Variants in ZFAND1 observed in about 807,000 individuals in gnomAD.
ZFAND1 encodes the protein AN1-type zinc finger protein 1.
ZFAND1 carries 40 observed loss-of-function variants against 38.5 expected under a neutral mutation model. The observed-to-expected ratio is 1.04, with a 90% CI of 0.81 to 1.35. ZFAND1 has a LOEUF of 1.35. Among genes scored for constraint, ZFAND1 ranks in the 40% most tolerant of loss-of-function variants. The pLI is 0.00. For missense variants in ZFAND1, 346 were observed against 316.3 expected (o/e 1.09, Z -0.71); for synonymous variants, 117 against 103.6 (o/e 1.13, Z -0.78).
Position 81,714,002 on chromosome 8 carries a change from T to G in ZFAND1, c.396A>C (p.Lys132Asn). Reference sequence around the variant, plus strand: ...CAGCTGTTTCACTATTTTTGGCACCTTTCCATCGTTTACTTGCTGTTTCTC... The same window carrying G: ...CAGCTGTTTCACTATTTTTGGCACCGTTCCATCGTTTACTTGCTGTTTCTC... Reference protein sequence around the residue: ...KTGETASKRWKGAKNSETAAK... With the variant: ...KTGETASKRWNGAKNSETAAK... The change falls in exon 6 of 8, where the codon AAA (lysine) becomes AAC (asparagine). Residue 132 changes from lysine to asparagine, a missense_variant. Transcript: ENST00000220669. The G allele has an allele frequency of 6.2e-7, 1 of 1,612,202 alleles. No homozygotes were observed. The highest frequency in any genetic ancestry group is 1.3e-5 in the African/African-American group (1 of 74,982).
In ZFAND1 at chr8:81,701,516, T is replaced by A. The variant is rs944444332; in HGVS notation, c.*1179A>T. 6.6e-6 allele frequency: 1 copy of A among 152,222 alleles called. No individual in the cohort carries two copies. The highest frequency in any genetic ancestry group is 2.4e-5 in the African/African-American group (1 of 41,450). 9.4% of individuals were successfully genotyped at this position (152,222 alleles called of 1,614,324 possible). A position where few individuals can be genotyped will look rare whatever the true frequency, so the allele number is the denominator to read the frequency against. ...TTTGCTTTGTGTGGTAGTCTGAAACTGAACCCACAATATTTCCAAGGTATA... is the reference window on the plus strand; with the variant it reads ...TTTGCTTTGTGTGGTAGTCTGAAACAGAACCCACAATATTTCCAAGGTATA... On this transcript the variant is annotated 3_prime_UTR_variant, in exon 8 of 8. Transcript: ENST00000220669.
Position 81,713,933 on chromosome 8 carries a change from A to T in ZFAND1, c.465T>A (p.Asp155Glu). The T allele has an allele frequency of 6.2e-7, 1 of 1,613,034 alleles. No homozygotes were observed. The highest frequency in any genetic ancestry group is 8.5e-7 in the Non-Finnish European group (1 of 1,179,736). Residue 155 changes from aspartate to glutamate, a missense_variant, in exon 6 of 8, where the codon GAT becomes GAA. Coordinates refer to ENST00000220669, the MANE Select transcript of ZFAND1 (RefSeq NM_024699.3). ...LMKLKMHADGDKSLPQTERIY... is the reference protein window; with the variant it reads ...LMKLKMHADGEKSLPQTERIY... Reference sequence around the variant, plus strand: ...TAAGACCAACCTGTGGTAATGACTTATCGCCATCAGCATGCATCTTTAATT... The same window carrying T: ...TAAGACCAACCTGTGGTAATGACTTTTCGCCATCAGCATGCATCTTTAATT...
In ZFAND1 at chr8:81,702,295, T is replaced by C. The variant is rs2130378016; in HGVS notation, c.*400A>G. On this transcript the variant is annotated 3_prime_UTR_variant, in exon 8 of 8. Transcript: ENST00000220669. ...TCTTTTAAGAGAAAACCGAAGTGTATTTCATCTCTTTCTCTCTCTGCTAAA... is the reference window on the plus strand; with the variant it reads ...TCTTTTAAGAGAAAACCGAAGTGTACTTCATCTCTTTCTCTCTCTGCTAAA... The C allele has an allele frequency of 6.5e-6, 1 of 153,898 alleles. No individual in the cohort carries two copies. The highest frequency in any genetic ancestry group is 1.9e-4 in the East Asian group (1 of 5,222). The allele number at this position is 153,898 out of a possible 1,614,324, so 9.5% of individuals were successfully genotyped here.
At chr8:81,714,598 C>T (rs551969485) in intron 5 of ZFAND1, 12 of 520,854 alleles carry the variant, frequency 2.3e-5, no homozygotes, top group Admixed American at 1.9e-4. Context: ...TAAGTACTTA[C>T]AGTGGAGTAC....
At chr8:81,717,130 T>C (rs1244339375) in intron 3 of ZFAND1, 119 bp downstream of exon 3, 8 of 713,624 alleles carry the variant, frequency 1.1e-5, no homozygotes, top group East Asian at 6.2e-5. Context: ...CTTTACCTAA[T>C]CAGTTTAGTA....
chr8:81,719,399 C>T (rs1484004605), intron 1 of ZFAND1, among the ~76,000 whole-genome samples: 1 of 150,620 alleles, frequency 6.6e-6, no homozygotes, highest in Non-Finnish European at 1.5e-5. Flanking sequence ...TCCAGCTACT[C>T]AAGAGGCTGA....
intron 5 of ZFAND1, 63 bp from the exon 6 acceptor site, chr8:81,714,102 TAC>T: frequency 7.0e-7 from 1 of 1,419,534 alleles, no homozygotes; most frequent in Non-Finnish European, 9.5e-7. Context: ...TTTATTATAA[TAC>T]ACTTATTAAT....
intron 6 of ZFAND1, among the ~76,000 whole-genome samples, chr8:81,709,259 T>C (rs575003338): frequency 1.3e-5 from 2 of 152,280 alleles, no homozygotes; most frequent in East Asian, 3.9e-4. Context: ...GGATATATAG[T>C]CTACCCCAAA....
chr8:81,715,252 GA>G, intron 3 of ZFAND1, 138 bp from the exon 4 acceptor site: 1 of 850,128 alleles, frequency 1.2e-6, no homozygotes, highest in Non-Finnish European at 1.8e-6. Flanking sequence ...AGATTATAAA[GA>G]ATGTTTTATG....
chr8:81,702,952 T>TC lies in ZFAND1; in HGVS notation c.636+16_636+17insG. 1 of 1,495,434 alleles carries TC rather than the reference T, an allele frequency of 6.7e-7. No homozygotes were observed. The highest frequency in any genetic ancestry group is 8.9e-7 in the Non-Finnish European group (1 of 1,122,686). The allele number at this position is 1,495,434 out of a possible 1,614,324, so 92.6% of individuals were successfully genotyped here. A position where few individuals can be genotyped will look rare whatever the true frequency, so the allele number is the denominator to read the frequency against. ...AACCTTTATTAATATAGAAATATTA[T>TC]TATAATGAGATGTTACCTTAGCTGT... On this transcript the variant is annotated intron_variant, in intron 7 of 7. Coordinates refer to ENST00000220669, the MANE Select transcript of ZFAND1 (RefSeq NM_024699.3).
intron 6 of ZFAND1, among the ~76,000 whole-genome samples, chr8:81,713,161 C>T (rs1214847917): frequency 3.3e-5 from 5 of 152,046 alleles, no homozygotes; most frequent in African/African-American, 4.8e-5. Flanking sequence ...CTCGCTCTGT[C>T]GCCCAGGCTG....
At chr8:81,706,282 T>C (rs1171798619) in intron 6 of ZFAND1, among the ~76,000 whole-genome samples, 1 of 143,134 alleles carries the variant, frequency 7.0e-6, no homozygotes, top group Non-Finnish European at 1.5e-5. Flanking sequence ...AAAAGACTCA[T>C]AGAGTTTATT....
At chr8:81,705,857 G>A (rs1386160578) in intron 6 of ZFAND1, among the ~76,000 whole-genome samples, 1 of 152,210 alleles carries the variant, frequency 6.6e-6, no homozygotes. Flanking sequence ...AGTAGAGGCT[G>A]TAGTGAGCCG....
At position 81,702,509 on chromosome 8, in the gene ZFAND1, C is replaced by A; in HGVS notation, c.*186G>T. The A allele has an allele frequency of 2.5e-6, 1 of 402,014 alleles. No homozygotes were observed. Among genetic ancestry groups the A allele is most frequent in the South Asian group, 6.4e-5 (1 of 15,566 alleles). The allele number at this position is 402,014 out of a possible 1,614,324, so 24.9% of individuals were successfully genotyped here. ...AAGAATTTGCTAATAATTGAGGATC[C>A]GTACACAATTAAACTTAAAACCAAA... On this transcript the variant is annotated 3_prime_UTR_variant, in exon 8 of 8. Transcript: ENST00000220669.
chr8:81,702,713 A>C lies in ZFAND1; in HGVS notation c.789T>G (p.Val263=). The change falls in exon 8 of 8, where the codon GTT becomes GTG. Residue 263 remains valine, a synonymous_variant. Transcript: ENST00000220669. ...TGAATGACTATTCCAAGTAAGATTC[A>C]ACATTTTTACAGAATTGTTCTTCAT... ...LNDEEQFCKN[V]ESYLE is the part of the protein sequence containing the mutation. The C allele has an allele frequency of 6.5e-7, 1 of 1,546,676 alleles. No individual in the cohort carries two copies. The highest frequency in any genetic ancestry group is 8.7e-7 in the Non-Finnish European group (1 of 1,150,100).
chr8:81,710,794 T>C (rs1436340346), intron 6 of ZFAND1, among the ~76,000 whole-genome samples: 2 of 152,216 alleles, frequency 1.3e-5, no homozygotes, highest in Non-Finnish European at 2.9e-5. Flanking sequence ...AGAAATTCTA[T>C]GTACTTGATA....
In ZFAND1 at chr8:81,721,218, C is replaced by A. The variant is rs768151000; in HGVS notation, c.55+9G>T. The A allele has an allele frequency of 1.3e-6, 2 of 1,547,760 alleles. No homozygotes were observed. Among genetic ancestry groups the A allele is most frequent in the South Asian group, 1.2e-5 (1 of 83,986 alleles). ...GGCCGGGGATGGGGGCTGGAAGCTCCCGGATCACCTCGCTGCCGGCAATGC... is the reference window on the plus strand; with the variant it reads ...GGCCGGGGATGGGGGCTGGAAGCTCACGGATCACCTCGCTGCCGGCAATGC... On this transcript the variant is annotated intron_variant, in intron 1 of 7. Transcript: ENST00000220669.
chr8:81,715,213 A>T (rs775615979), intron 3 of ZFAND1, 99 bp from the exon 4 acceptor site: 6 of 1,319,266 alleles, frequency 4.5e-6, no homozygotes, highest in Non-Finnish European at 6.2e-6. Flanking sequence ...TTTTGCTTAA[A>T]CTTATTAGAG....
In ZFAND1 at chr8:81,714,828, G is replaced by C; in HGVS notation, c.334C>G (p.Gln112Glu). The change falls in exon 5 of 8, where the codon CAG (glutamine) becomes GAG (glutamate). Residue 112 changes from glutamine (Q) to glutamate (E), a missense_variant. Transcript: ENST00000220669. ...EIPKPRMAAT[Q>E]KLVKDIIDSK... ...CCAATAATGTCTTTAACAAGTTTCT[G>C]AGTGGCAGCCATTCGAGGCTTTGGG... 5 of 1,614,030 alleles carry C rather than the reference G, an allele frequency of 3.1e-6. No individual in the cohort carries two copies. Among genetic ancestry groups the C allele is most frequent in the Middle Eastern group, 1.7e-4 (1 of 6,060 alleles).
Sources: allele counts gnomAD v4.1 joint callset (sites outside exome capture counted in the v4.1 genomes callset), GRCh38; gene constraint gnomAD v4.1.1; transcripts MANE v1.5; gene names NCBI Gene and HGNC (gene_info 2026-07-23, HGNC 2026-07-21).